Variants in NADSYN1 observed in about 807,000 individuals in gnomAD.
NADSYN1 encodes the protein glutamine-dependent NAD(+) synthetase.
In NADSYN1, 80 loss-of-function variants were observed where a neutral mutation model predicts 99.3. The ratio of observed to expected loss-of-function variants is 0.81; its 90% CI spans 0.67 to 0.97. The LOEUF (loss-of-function observed/expected upper bound fraction) is 0.97, where lower values mean the gene tolerates loss of function less well. NADSYN1 is among the 50% of genes least tolerant of loss of function. The pLI is 0.00. For missense variants in NADSYN1, 859 were observed against 948.5 expected (o/e 0.91, Z 1.24); for synonymous variants, 385 against 372.1 (o/e 1.03, Z -0.40).
intron 5 of NADSYN1, among the ~76,000 whole-genome samples, chr11:71,468,071 C>T (rs1271071567): frequency 1.3e-5 from 2 of 152,088 alleles, no homozygotes; most frequent in East Asian, 1.9e-4. Flanking sequence ...GGAAAAAATC[C>T]GAGGAGAGAG....
chr11:71,478,289 G>T, intron 9 of NADSYN1, 106 bp from the exon 10 acceptor site: 2 of 924,812 alleles, frequency 2.2e-6, no homozygotes, highest in Middle Eastern at 2.1e-4. Context: ...CAGGGTCTCA[G>T]CCCCTGCTTT....
At chr11:71,458,755 T>C (rs926503340) in intron 3 of NADSYN1, 1 of 535,072 alleles carries the variant, frequency 1.9e-6, no homozygotes. Context: ...GAAAGCAGGA[T>C]GTGTCAGTTC....
At chr11:71,458,726 C>T (rs1247666356) in intron 3 of NADSYN1, 182 bp downstream of exon 3, 2 of 565,812 alleles carry the variant, frequency 3.5e-6, no homozygotes, top group East Asian at 2.9e-5. Context: ...CTCATTTCCC[C>T]TGCAAGGAGG....
At chr11:71,489,971 C>T (rs1240189098) in intron 16 of NADSYN1, among the ~76,000 whole-genome samples, 4 of 152,094 alleles carry the variant, frequency 2.6e-5, no homozygotes, top group Non-Finnish European at 4.4e-5. Context: ...GCGTTGGCAG[C>T]GGGGTGGGGT....
chr11:71,482,422 T>G (rs1225751082), intron 13 of NADSYN1, among the ~76,000 whole-genome samples: 1 of 152,188 alleles, frequency 6.6e-6, no homozygotes, highest in Non-Finnish European at 1.5e-5. Flanking sequence ...TAGCCTGGGC[T>G]GGCGCTGCAC....
At position 71,453,354 on chromosome 11, in the gene NADSYN1, G is replaced by T. The variant is rs763427451; in HGVS notation, c.58G>T (p.Glu20Ter). The T allele has an allele frequency of 2.5e-6, 4 of 1,613,856 alleles. No homozygotes were observed. In the South Asian group the frequency reaches 4.4e-5, roughly 18 times the overall value. ...CALNQWALDF[E>*]GNLQRILKSI... The stretch of plus-strand genomic sequence containing the variant: ...ACTCAACCAGTGGGCCCTGGACTTC[G>T]AGGGCAATTTGCAAAGAATTTTAAA... Residue 20 changes from glutamate to a stop codon, truncating the protein, a stop_gained, in exon 1 of 21, where the codon GAG becomes TAG. Transcript: ENST00000319023. LOFTEE classifies it high-confidence loss of function.
At chr11:71,458,350 C>A in intron 2 of NADSYN1, 78 bp from the exon 3 acceptor site, 1 of 1,087,324 alleles carries the variant, frequency 9.2e-7, no homozygotes, top group Non-Finnish European at 1.4e-6. Flanking sequence ...CACGTTCAGA[C>A]TGGACTGGCC....
intron 18 of NADSYN1, 45 bp from the exon 19 acceptor site, chr11:71,497,438 G>T (rs372061923): frequency 1.9e-6 from 3 of 1,612,392 alleles, no homozygotes; most frequent in East Asian, 2.2e-5. Flanking sequence ...CTCTCCCCCC[G>T]CTGTGACTTG....
At chr11:71,470,262 G>A (rs1262734390) in intron 5 of NADSYN1, among the ~76,000 whole-genome samples, 2 of 152,248 alleles carry the variant, frequency 1.3e-5, no homozygotes, top group African/African-American at 2.4e-5. Context: ...CAGGAGCTAT[G>A]ATTCAAGATG....
At chr11:71,477,388 C>G in intron 9 of NADSYN1, 1 of 1,289,806 alleles carries the variant, frequency 7.8e-7, no homozygotes, top group African/African-American at 1.5e-5. Context: ...AGCCAGAGAA[C>G]CACAGGATGC....
At chr11:71,484,983 G>A (rs976230814) in intron 15 of NADSYN1, 64 of 174,690 alleles carry the variant, frequency 3.7e-4, no homozygotes, top group African/African-American at 1.3e-3. Context: ...ATGTGGGTGG[G>A]TGGGTGTGCA....
rs370331409 is a variant in NADSYN1 at position 71,498,539 on chromosome 11, C to T, written c.2070+11C>T. The T allele has an allele frequency of 1.4e-5, 22 of 1,611,802 alleles. No individual in the cohort carries two copies. Among genetic ancestry groups the T allele is most frequent in the Non-Finnish European group, 1.5e-5 (18 of 1,178,310 alleles). On this transcript the variant is annotated intron_variant, in intron 20 of 20. Coordinates refer to ENST00000319023, the MANE Select transcript of NADSYN1 (RefSeq NM_018161.5). Reference sequence around the variant, plus strand: ...TGCATAGAAAATCAGGTAAATCCAGCAGAAATGTTTCTCTCTCCATGTTTC... The same window carrying T: ...TGCATAGAAAATCAGGTAAATCCAGTAGAAATGTTTCTCTCTCCATGTTTC...
chr11:71,497,417 G>C, intron 18 of NADSYN1, 66 bp from the exon 19 acceptor site: 1 of 1,603,816 alleles, frequency 6.2e-7, no homozygotes, highest in Admixed American at 1.7e-5. Context: ...ATCTCCAAAA[G>C]AAGCTTTAGG....
chr11:71,491,097 C>A, intron 17 of NADSYN1, 121 bp downstream of exon 17: 1 of 1,361,024 alleles, frequency 7.3e-7, no homozygotes, highest in Non-Finnish European at 1.0e-6. Flanking sequence ...AATGGTCCTG[C>A]CCCTGAGCTG....
intron 18 of NADSYN1, chr11:71,496,593 G>A (rs970864847): frequency 2.0e-5 from 3 of 152,520 alleles, no homozygotes; most frequent in African/African-American, 7.2e-5. Flanking sequence ...CCATGGCCTG[G>A]GGGTTGGTGA....
rs1949504276 is a variant in NADSYN1, at chr11:71,455,094, C to G, written c.86-16C>G. 6.2e-7 allele frequency: 1 copy of G among 1,605,470 alleles called. No homozygotes were observed. The highest frequency in any genetic ancestry group is 1.3e-5 in the African/African-American group (1 of 74,610). On this transcript the variant is annotated splice_polypyrimidine_tract_variant and intron_variant, in intron 1 of 20. Transcript: ENST00000319023. Reference sequence around the variant, plus strand: ...GCTGAAATTGCTCCATTTTCTTTTTCTCTCTGTACTTACAGGTATTGAAAT... The same window carrying G: ...GCTGAAATTGCTCCATTTTCTTTTTGTCTCTGTACTTACAGGTATTGAAAT...
At chr11:71,485,404 CTG>C in intron 15 of NADSYN1, 136 bp from the exon 16 acceptor site, 2 of 646,700 alleles carry the variant, frequency 3.1e-6, no homozygotes, top group Non-Finnish European at 5.2e-6. Flanking sequence ...CTGTGGGACT[CTG>C]AGACTCTGAT....
At chr11:71,493,371 C>T (rs1020624120) in intron 18 of NADSYN1, among the ~76,000 whole-genome samples, 6 of 152,098 alleles carry the variant, frequency 3.9e-5, no homozygotes, top group African/African-American at 1.4e-4. Flanking sequence ...TTGATTTTTG[C>T]ATATTGACCA....
At chr11:71,458,381 G>A (rs533471897) in intron 2 of NADSYN1, 47 bp from the exon 3 acceptor site, 36 of 1,469,654 alleles carry the variant, frequency 2.4e-5, no homozygotes, top group South Asian at 9.1e-5. Flanking sequence ...GCCCCTCCCC[G>A]CTCACCTGAG....
Sources: allele counts gnomAD v4.1 joint callset (sites outside exome capture counted in the v4.1 genomes callset), GRCh38; gene constraint gnomAD v4.1.1; transcripts MANE v1.5; gene names NCBI Gene and HGNC (gene_info 2026-07-23, HGNC 2026-07-21).